The following MAD1L1 variants were observed in gnomAD, a reference collection of about 807,000 sequenced individuals.
The protein encoded by MAD1L1 is mitotic arrest deficient 1 like 1.
In MAD1L1, 95 loss-of-function variants were observed where a neutral mutation model predicts 96.9. The ratio of observed to expected loss-of-function variants is 0.98; its 90% CI spans 0.83 to 1.16. The LOEUF (loss-of-function observed/expected upper bound fraction) is 1.16, where lower values mean the gene tolerates loss of function less well. Ranked by LOEUF, MAD1L1 falls within the 50% of genes most tolerant of loss-of-function variation. The pLI, the probability that MAD1L1 is intolerant of heterozygous loss-of-function variation, is 0.00. For synonymous variants in MAD1L1, 473 were observed against 396.6 expected (o/e 1.19, Z -2.29); for missense variants, 1,007 against 954.4 (o/e 1.06, Z -0.73).
At chr7:1,985,344 C>T (rs1781090755) in intron 14 of MAD1L1, among the ~76,000 whole-genome samples, 2 of 152,378 alleles carry the variant, frequency 1.3e-5, no homozygotes, top group South Asian at 4.1e-4. Flanking sequence ...ACAGGCTCCG[C>T]TGGTTCTCAG....
intron 4 of MAD1L1, 142 bp downstream of exon 4, chr7:2,225,268 T>G: frequency 2.3e-6 from 1 of 428,912 alleles, no homozygotes; most frequent in South Asian, 2.9e-5. Context: ...GGATCTGATT[T>G]CTTAAGACCT....
intron 12 of MAD1L1, among the ~76,000 whole-genome samples, chr7:2,067,595 A>C (rs1784936187): frequency 7.5e-6 from 1 of 132,910 alleles, no homozygotes; most frequent in Non-Finnish European, 1.5e-5. Flanking sequence ...CGCAGTGGTC[A>C]GCCCAAACCC....
chr7:2,034,552 T>C (rs1333954610), intron 12 of MAD1L1, among the ~76,000 whole-genome samples: 1 of 152,162 alleles, frequency 6.6e-6, no homozygotes, highest in Admixed American at 6.5e-5. Context: ...CGAAGAAACA[T>C]CGTACAGCCA....
At chr7:2,132,825 C>A (rs1788581780) in intron 11 of MAD1L1, among the ~76,000 whole-genome samples, 1 of 152,244 alleles carries the variant, frequency 6.6e-6, no homozygotes, top group South Asian at 2.1e-4. Context: ...TTCCCGACCC[C>A]TCCAAATCTC....
intron 18 of MAD1L1, among the ~76,000 whole-genome samples, chr7:1,864,229 T>C (rs1562469326): frequency 1.3e-5 from 2 of 152,150 alleles, no homozygotes; most frequent in Non-Finnish European, 2.9e-5. Flanking sequence ...TGGCCACTTG[T>C]GTTGCTAGCA....
intron 18 of MAD1L1, among the ~76,000 whole-genome samples, chr7:1,895,472 G>T (rs116683316): frequency 0.013 from 1,907 of 152,258 alleles, 34 homozygotes; most frequent in African/African-American, 0.043. Flanking sequence ...TCTCAGCCCC[G>T]CCTGCAAACA....
chr7:1,946,835 T>TG (rs1370683608), intron 16 of MAD1L1, among the ~76,000 whole-genome samples: 3 of 152,056 alleles, frequency 2.0e-5, no homozygotes, highest in African/African-American at 7.2e-5. Context: ...CCAGAGAGGG[T>TG]GCGGGTGCTC....
At chr7:2,172,419 C>CA (rs1438184607) in intron 10 of MAD1L1, among the ~76,000 whole-genome samples, 1 of 152,218 alleles carries the variant, frequency 6.6e-6, no homozygotes, top group Non-Finnish European at 1.5e-5. Flanking sequence ...GCCCAGGGCC[C>CA]AGCAGCAGGA....
rs146848168 is a variant in MAD1L1, at chr7:2,067,205, G to A, written c.1218+1989C>T. 9.7e-3 allele frequency among the ~76,000 whole-genome samples: 1,253 copies of A among 128,582 alleles called. 32 individuals are homozygous for A. The highest frequency in any genetic ancestry group is 0.03 in the South Asian group (115 of 3,886). The allele number at this position is 128,582 out of a possible 152,430, so 84.4% of individuals were successfully genotyped here. On this transcript the variant is annotated intron_variant, in intron 12 of 18. Coordinates refer to ENST00000265854, the MANE Select transcript of MAD1L1 (RefSeq NM_001013836.2). Reference sequence around the variant, plus strand: ...CATCAGGCCACGTTCGCAGGCACCCGGGGTCATCAGGCCATGTTCGCAGGC... The same window carrying A: ...CATCAGGCCACGTTCGCAGGCACCCAGGGTCATCAGGCCATGTTCGCAGGC...
In MAD1L1 at chr7:2,100,108, G is replaced by A. The variant is rs142173439; in HGVS notation, c.1074-30770C>T. On this transcript the variant is annotated intron_variant, in intron 11 of 18. Coordinates refer to ENST00000265854, the MANE Select transcript of MAD1L1 (RefSeq NM_001013836.2). The stretch of plus-strand genomic sequence containing the variant: ...TGTTGATGGATAAGGACATAGGTGA[G>A]AAGCAAATCCCAGGCAACCATTGAG... Among the ~76,000 whole-genome samples, 7 of 152,342 alleles carry A rather than the reference G, an allele frequency of 4.6e-5. No individual in the cohort carries two copies. In the East Asian group the frequency reaches 1.4e-3, roughly 29 times the overall value.
At position 2,009,489 on chromosome 7, in the gene MAD1L1, T is replaced by C. The variant is rs1488693024; in HGVS notation, c.1359+5013A>G. On this transcript the variant is annotated intron_variant, in intron 13 of 18. Coordinates refer to ENST00000265854, the MANE Select transcript of MAD1L1 (RefSeq NM_001013836.2). ...CTTCCTGGCCAGGTCTCCAAGTGGCTTGTGACACAACGTGAAGAAGCAGGA... is the reference window on the plus strand; with the variant it reads ...CTTCCTGGCCAGGTCTCCAAGTGGCCTGTGACACAACGTGAAGAAGCAGGA... Among the ~76,000 whole-genome samples the C allele has an allele frequency of 2.6e-5, 4 of 152,298 alleles. 1 individual carries two copies. Among genetic ancestry groups the C allele is most frequent in the Middle Eastern group, 6.8e-3 (2 of 294 alleles).
chr7:1,849,284 GC>G (rs1783832068), intron 18 of MAD1L1: 1 of 152,254 alleles, frequency 6.6e-6, no homozygotes, highest in Non-Finnish European at 1.5e-5. Context: ...GTTATTGGCA[GC>G]ACAAATCTCC....
intron 17 of MAD1L1, among the ~76,000 whole-genome samples, chr7:1,931,634 C>T (rs1283628485): frequency 6.6e-6 from 1 of 152,176 alleles, no homozygotes; most frequent in Non-Finnish European, 1.5e-5. Context: ...GAGGCTTCAG[C>T]TCTCCCTCCC....
chr7:2,126,549 C>T (rs1788241012), intron 11 of MAD1L1, among the ~76,000 whole-genome samples: 1 of 152,138 alleles, frequency 6.6e-6, no homozygotes, highest in East Asian at 1.9e-4. Flanking sequence ...AATGATTGTG[C>T]ACCATATGGC....
In MAD1L1 at chr7:1,909,536, G is replaced by A. The variant is rs568230700; in HGVS notation, c.1808-11146C>T. 4.1e-4 allele frequency among the ~76,000 whole-genome samples: 63 copies of A among 152,326 alleles called. 2 individuals carry two copies. The East Asian group carries it at 0.011, about 26-fold the overall frequency. On this transcript the variant is annotated intron_variant, in intron 17 of 18. Transcript: ENST00000265854. ...GGCTCTGCAAGAGACTGTAGGAGGT[G>A]GGGACGCACCTGTAGGCTGGCCGGG...
rs202216369 is a variant in MAD1L1, at chr7:1,958,063, AG to A, written c.1506-345del. 4.0e-3 allele frequency among the ~76,000 whole-genome samples: 609 copies of A among 152,284 alleles called. 5 individuals carry two copies. The highest frequency in any genetic ancestry group is 0.013 in the African/African-American group (558 of 41,558). On this transcript the variant is annotated intron_variant, in intron 15 of 18. Transcript: ENST00000265854. ...GTCCGTGTCCGTCAGCCACTCCCAG[AG>A]GGTGATGTGATGGCGGAGTGCAGGG...
chr7:2,060,526 C>T (rs949617140), intron 12 of MAD1L1, among the ~76,000 whole-genome samples: 18 of 152,012 alleles, frequency 1.2e-4, no homozygotes, highest in Admixed American at 9.2e-4. Context: ...TGTCGAGATA[C>T]GCTAATGCCA....
At position 2,074,598 on chromosome 7, in the gene MAD1L1, G is replaced by A. The variant is rs139485781; in HGVS notation, c.1074-5260C>T. Among the ~76,000 whole-genome samples, 895 of 152,324 alleles carry A rather than the reference G, an allele frequency of 5.9e-3. 9 individuals carry two copies. The highest frequency in any genetic ancestry group is 0.02 in the African/African-American group (842 of 41,590). ...GCTGCTGGGAGGGGGCAAGGCCAGC[G>A]GCTAAAGAGCTGCCCCACTTGCCTG... On this transcript the variant is annotated intron_variant, in intron 11 of 18. Transcript: ENST00000265854.
At chr7:1,824,365 G>T (rs1031715422) in intron 18 of MAD1L1, among the ~76,000 whole-genome samples, 1 of 152,092 alleles carries the variant, frequency 6.6e-6, no homozygotes, top group Non-Finnish European at 1.5e-5. Flanking sequence ...CTTGAGCCTG[G>T]TCTGCACGCT....
Sources: allele counts gnomAD v4.1 joint callset (sites outside exome capture counted in the v4.1 genomes callset), GRCh38; gene constraint gnomAD v4.1.1; transcripts MANE v1.5; gene names NCBI Gene and HGNC (gene_info 2026-07-23, HGNC 2026-07-21).